The following COBLL1 variants were observed in gnomAD, a reference collection of about 807,000 sequenced individuals.
COBLL1 encodes cordon-bleu protein-like 1.
In COBLL1, 50 loss-of-function variants were observed where a neutral mutation model predicts 94.8. The observed-to-expected ratio is 0.53, with a 90% CI of 0.42 to 0.67. The LOEUF (loss-of-function observed/expected upper bound fraction) is 0.67. Ranked by LOEUF, COBLL1 falls within the 30% of genes least tolerant of loss-of-function variation. The pLI is 0.00. For synonymous variants in COBLL1, 448 were observed against 473.8 expected (o/e 0.95, Z 0.71); for missense variants, 1,362 against 1,348.7 (o/e 1.01, Z -0.15).
intron 2 of COBLL1, among the ~76,000 whole-genome samples, chr2:164,827,299 T>C (rs983822319): frequency 2.6e-5 from 4 of 152,216 alleles, no homozygotes; most frequent in African/African-American, 4.8e-5. Flanking sequence ...AATTTCATCT[T>C]ATATGGGAAT....
intron 2 of COBLL1, among the ~76,000 whole-genome samples, chr2:164,766,556 CT>C (rs1687942850): frequency 6.6e-6 from 1 of 152,162 alleles, no homozygotes. Context: ...TGAGGCTTCC[CT>C]AGAATCTGAG....
intron 2 of COBLL1, among the ~76,000 whole-genome samples, chr2:164,746,235 C>T (rs1686851652): frequency 1.3e-5 from 2 of 152,146 alleles, no homozygotes; most frequent in South Asian, 4.1e-4. Flanking sequence ...CAACTGGTGT[C>T]CCTGCTCCCA....
chr2:164,670,486 T>A (rs1691226358), intron 1 of COBLL1, among the ~76,000 whole-genome samples: 1 of 152,232 alleles, frequency 6.6e-6, no homozygotes, highest in African/African-American at 2.4e-5. Context: ...TGCTCACTCT[T>A]GTGAATTAAA....
intron 2 of COBLL1, among the ~76,000 whole-genome samples, chr2:164,778,373 G>A (rs996046687): frequency 4.6e-5 from 7 of 152,238 alleles, no homozygotes; most frequent in East Asian, 1.9e-4. Context: ...TTGGGAGGCC[G>A]GGGCAGGCAG....
intron 2 of COBLL1, among the ~76,000 whole-genome samples, chr2:164,818,170 G>A (rs1199940979): frequency 6.7e-6 from 1 of 148,966 alleles, no homozygotes; most frequent in Non-Finnish European, 1.5e-5. Context: ...ATGTATACAT[G>A]CACGTATACA....
intron 12 of COBLL1, among the ~76,000 whole-genome samples, chr2:164,693,609 A>G (rs1683734956): frequency 6.6e-6 from 1 of 152,256 alleles, no homozygotes; most frequent in South Asian, 2.1e-4. Flanking sequence ...TAAGTCAACA[A>G]CATTCCTTTA....
At chr2:164,699,239 CT>C in intron 11 of COBLL1, among the ~76,000 whole-genome samples, 165 bp downstream of exon 11, 1 of 151,818 alleles carries the variant, frequency 6.6e-6, no homozygotes. Context: ...GCACAATCAT[CT>C]GTAAAATGGA....
At chr2:164,814,153 G>A (rs1438127646) in intron 2 of COBLL1, among the ~76,000 whole-genome samples, 1 of 152,102 alleles carries the variant, frequency 6.6e-6, no homozygotes, top group East Asian at 1.9e-4. Context: ...TAGCAAGAAT[G>A]AATTACTTTG....
intron 3 of COBLL1, among the ~76,000 whole-genome samples, chr2:164,731,866 G>A (rs1250174212): frequency 6.6e-6 from 1 of 152,154 alleles, no homozygotes; most frequent in African/African-American, 2.4e-5. Context: ...GTCACCCCTA[G>A]TAAGCTCCCA....
At chr2:164,737,767 T>G (rs1686386771) in intron 3 of COBLL1, among the ~76,000 whole-genome samples, 1 of 152,150 alleles carries the variant, frequency 6.6e-6, no homozygotes, top group African/African-American at 2.4e-5. Flanking sequence ...CTTGTCATTT[T>G]TCATAGTCTA....
intron 2 of COBLL1, among the ~76,000 whole-genome samples, chr2:164,837,870 C>A (rs1239415228): frequency 6.6e-6 from 1 of 152,076 alleles, no homozygotes; most frequent in Non-Finnish European, 1.5e-5. Flanking sequence ...AAAGTGGATA[C>A]TTCTGCATGT....
At chr2:164,727,901 A>G (rs1382773935) in intron 5 of COBLL1, 68 bp downstream of exon 5, 14 of 1,110,174 alleles carry the variant, frequency 1.3e-5, no homozygotes, top group Non-Finnish European at 1.9e-5. Context: ...CCTTCACACA[A>G]ACACAATGCA....
intron 3 of COBLL1, among the ~76,000 whole-genome samples, chr2:164,731,184 G>A (rs1313866596): frequency 2.6e-5 from 4 of 152,136 alleles, no homozygotes; most frequent in African/African-American, 9.7e-5. Context: ...TACTATATAG[G>A]CATAGCCCAC....
intron 2 of COBLL1, among the ~76,000 whole-genome samples, chr2:164,770,708 A>G (rs990924337): frequency 3.3e-5 from 5 of 152,196 alleles, no homozygotes; most frequent in African/African-American, 1.2e-4. Flanking sequence ...TCTCATTTAT[A>G]CAAACTTTCC....
chr2:164,769,656 C>T (rs1219300998), intron 2 of COBLL1, among the ~76,000 whole-genome samples: 6 of 152,172 alleles, frequency 3.9e-5, no homozygotes, highest in Non-Finnish European at 7.4e-5. Flanking sequence ...CTCAGGAGTT[C>T]GAGACCAGCC....
At chr2:164,822,812 A>G (rs1158561983) in intron 2 of COBLL1, among the ~76,000 whole-genome samples, 3 of 150,386 alleles carry the variant, frequency 2.0e-5, no homozygotes, top group Admixed American at 1.3e-4. Context: ...CCTGTTGCCC[A>G]GGCTGCAGTG....
At chr2:164,780,627 T>C (rs1205765317) in intron 2 of COBLL1, among the ~76,000 whole-genome samples, 2 of 152,300 alleles carry the variant, frequency 1.3e-5, no homozygotes, top group Admixed American at 6.5e-5. Context: ...AAGACATAGA[T>C]GATATTATCA....
At position 164,719,678 on chromosome 2, in the gene COBLL1, T is replaced by A. The variant is rs922625389; in HGVS notation, c.996+2397A>T. Among the ~76,000 whole-genome samples the A allele has an allele frequency of 2.0e-5, 3 of 152,270 alleles. No individual in the cohort carries two copies. The South Asian group carries it at 6.2e-4, about 32-fold the overall frequency. On this transcript the variant is annotated intron_variant, in intron 7 of 13. Coordinates refer to ENST00000652658, the MANE Select transcript of COBLL1 (RefSeq NM_001365672.2). ...ATTTGAGCCCACCTCAAATCCAATA[T>A]GAGTTCATTTCTAGATCCTTAAGTA... is the stretch of plus-strand genomic sequence containing the variant.
rs1404401843 is a variant in COBLL1, at chr2:164,704,634, T to C, written c.1151-116A>G. 5.9e-6 allele frequency: 5 copies of C among 843,718 alleles called. No individual in the cohort carries two copies. The East Asian group carries it at 1.3e-4, about 21-fold the overall frequency. The allele number at this position is 843,718 out of a possible 1,614,324, so 52.3% of individuals were successfully genotyped here. A position where few individuals can be genotyped will look rare whatever the true frequency, so the allele number is the denominator to read the frequency against. Reference sequence around the variant, plus strand: ...CAGTAAGCCTTGCTAGAAGCCATTTTACTATCTAGCTGTAAAACACTAAAA... The same window carrying C: ...CAGTAAGCCTTGCTAGAAGCCATTTCACTATCTAGCTGTAAAACACTAAAA... On this transcript the variant is annotated intron_variant, in intron 8 of 13. Coordinates refer to ENST00000652658, the MANE Select transcript of COBLL1 (RefSeq NM_001365672.2).
Sources: allele counts gnomAD v4.1 joint callset (sites outside exome capture counted in the v4.1 genomes callset), GRCh38; gene constraint gnomAD v4.1.1; transcripts MANE v1.5; gene names NCBI Gene and HGNC (gene_info 2026-07-23, HGNC 2026-07-21).